The following CDC42BPB variants were observed in gnomAD, a reference collection of about 807,000 sequenced individuals.
CDC42BPB encodes the protein CDC42 binding protein kinase beta.
A neutral mutation model predicts 214.9 loss-of-function variants in CDC42BPB; 37 were observed. That is an observed-to-expected ratio of 0.17 (90% CI 0.13 to 0.23). The LOEUF is 0.23. Ranked by LOEUF, CDC42BPB falls within the 10% of genes least tolerant of loss-of-function variation. CDC42BPB has a pLI of 1.00. For synonymous variants in CDC42BPB, 931 were observed against 884.0 expected (o/e 1.05, Z -0.94); for missense variants, 1,694 against 2,227.0 (o/e 0.76, Z 4.82).
chr14:102,941,555 A>T (rs1891890107), intron 30 of CDC42BPB: 2 of 985,264 alleles, frequency 2.0e-6, no homozygotes, highest in Non-Finnish European at 2.4e-6. Context: ...TCAGGGAACC[A>T]CTCTCCACAC....
intron 5 of CDC42BPB, among the ~76,000 whole-genome samples, chr14:102,990,552 T>A (rs1471394776): frequency 1.3e-5 from 2 of 152,130 alleles, no homozygotes; most frequent in African/African-American, 4.8e-5. Context: ...TATGCACAGG[T>A]AGACGTGTGT....
At position 103,012,261 on chromosome 14, in the gene CDC42BPB, G is replaced by T. The variant is rs375431189; in HGVS notation, c.176-73C>A. 357 of 1,490,290 alleles carry T rather than the reference G, an allele frequency of 2.4e-4. 2 individuals are homozygous for T. In the African/African-American group the frequency reaches 4.4e-3, roughly 18 times the overall value. The allele number at this position is 1,490,290 out of a possible 1,614,324, so 92.3% of individuals were successfully genotyped here. A position where few individuals can be genotyped will look rare whatever the true frequency, so the allele number is the denominator to read the frequency against. On this transcript the variant is annotated intron_variant, in intron 1 of 36. Coordinates refer to ENST00000361246, the MANE Select transcript of CDC42BPB (RefSeq NM_006035.4). ...CTATATAAAAATTTAATTGAGTGGG[G>T]TGTTGCACTAAGTTATACTTTTAAA...
intron 1 of CDC42BPB, among the ~76,000 whole-genome samples, chr14:103,021,907 G>C (rs1015007703): frequency 6.6e-6 from 1 of 152,164 alleles, no homozygotes; most frequent in African/African-American, 2.4e-5. Flanking sequence ...GGGCGTGCAG[G>C]TTGACACTCG....
chr14:102,987,462 C>T (rs1894294730), intron 5 of CDC42BPB, among the ~76,000 whole-genome samples: 1 of 152,208 alleles, frequency 6.6e-6, no homozygotes, highest in South Asian at 2.1e-4. Context: ...AGCGGCACCA[C>T]TTCTAACAGC....
chr14:103,007,065 G>C (rs997167327), intron 3 of CDC42BPB, among the ~76,000 whole-genome samples: 4 of 152,196 alleles, frequency 2.6e-5, no homozygotes, highest in African/African-American at 7.2e-5. Flanking sequence ...ACTGAGTGAA[G>C]ATGGAGGAAA....
At position 102,938,292 on chromosome 14, in the gene CDC42BPB, G is replaced by T. The variant is rs188926743; in HGVS notation, c.4933+14C>A. 2.4e-4 allele frequency: 378 copies of T among 1,606,880 alleles called. 2 individuals are homozygous for T. The African/African-American group carries it at 4.4e-3, about 19-fold the overall frequency. The stretch of plus-strand genomic sequence containing the variant: ...ACCTCCCCCAGGGCTGCGGGGGCCA[G>T]GCTTCCCCTGTACCTGATGAGGGCC... On this transcript the variant is annotated intron_variant, in intron 35 of 36. Coordinates refer to ENST00000361246, the MANE Select transcript of CDC42BPB (RefSeq NM_006035.4).
At chr14:102,985,903 G>T (rs997130671) in intron 6 of CDC42BPB, among the ~76,000 whole-genome samples, 3 of 152,248 alleles carry the variant, frequency 2.0e-5, no homozygotes, top group African/African-American at 7.2e-5. Flanking sequence ...GTCTGACTGC[G>T]GGGTGGAGAC....
chr14:103,010,560 C>T (rs756315565), intron 2 of CDC42BPB, among the ~76,000 whole-genome samples: 9 of 152,242 alleles, frequency 5.9e-5, no homozygotes, highest in Non-Finnish European at 1.2e-4. Flanking sequence ...CAAAGGCCAT[C>T]TCGCTTTGTA....
intron 21 of CDC42BPB, among the ~76,000 whole-genome samples, chr14:102,955,774 G>A (rs1042355409): frequency 3.3e-5 from 5 of 152,212 alleles, no homozygotes; most frequent in Admixed American, 1.3e-4. Context: ...CAGTGTGATG[G>A]GACACAGACA....
chr14:102,982,686 G>A (rs1357483160), intron 7 of CDC42BPB, among the ~76,000 whole-genome samples: 2 of 152,110 alleles, frequency 1.3e-5, no homozygotes, highest in Admixed American at 6.5e-5. Flanking sequence ...CAGGAGAATC[G>A]CTTGAACCTG....
chr14:103,047,469 C>G (rs1888356377), intron 1 of CDC42BPB, among the ~76,000 whole-genome samples: 1 of 152,104 alleles, frequency 6.6e-6, no homozygotes, highest in Admixed American at 6.5e-5. Context: ...GACTTGGAAA[C>G]CATCGTGGTC....
intron 1 of CDC42BPB, among the ~76,000 whole-genome samples, chr14:103,018,407 AAAACT>A: frequency 6.6e-6 from 1 of 152,200 alleles, no homozygotes; most frequent in Admixed American, 6.5e-5. Flanking sequence ...TGCTATTTGG[AAAACT>A]TAGAGGGGCA....
Position 103,003,966 on chromosome 14 carries a change from T to C in CDC42BPB, c.409A>G (p.Thr137Ala). 3 of 1,611,832 alleles carry C rather than the reference T, an allele frequency of 1.9e-6. No homozygotes were observed. The highest frequency in any genetic ancestry group is 2.5e-6 in the Non-Finnish European group (3 of 1,179,492). Residue 137 changes from threonine (T) to alanine (A), a missense_variant, in exon 4 of 37, where the codon ACC becomes GCC. Physicochemically the swap from Thr to Ala is moderately conservative, Grantham distance 58. Around this residue, in one of 7 missense-constraint regions of CDC42BPB, gnomAD observed 225 missense variants for 459.3 expected, o/e 0.49. Coordinates refer to ENST00000361246, the MANE Select transcript of CDC42BPB (RefSeq NM_006035.4). ...TCCTGAAAGGCGTAGTGCAGCGCGG[T>C]GATCCACTGGCAGTCGCCGTTCACC... ...VLVNGDCQWITALHYAFQDEN... is the reference protein window; with the variant it reads ...VLVNGDCQWIAALHYAFQDEN...
chr14:103,039,504 T>A (rs1887863011), intron 1 of CDC42BPB, among the ~76,000 whole-genome samples: 1 of 152,024 alleles, frequency 6.6e-6, no homozygotes, highest in Admixed American at 6.5e-5. Context: ...ATACACCATA[T>A]CAACAGAAGA....
intron 5 of CDC42BPB, among the ~76,000 whole-genome samples, chr14:102,991,527 T>G (rs1254466343): frequency 6.6e-6 from 1 of 152,246 alleles, no homozygotes; most frequent in Non-Finnish European, 1.5e-5. Flanking sequence ...CTGGGTCAAC[T>G]GCTAAAATCT....
At chr14:103,041,532 C>T (rs1887993793) in intron 1 of CDC42BPB, 2 of 1,371,066 alleles carry the variant, frequency 1.5e-6, no homozygotes, top group African/African-American at 1.4e-5. Flanking sequence ...TGGCTCGTGG[C>T]CACATGGTTC....
chr14:103,019,726 T>C (rs1416722437), intron 1 of CDC42BPB, among the ~76,000 whole-genome samples: 1 of 152,208 alleles, frequency 6.6e-6, no homozygotes, highest in African/African-American at 2.4e-5. Flanking sequence ...AGCTTAACTT[T>C]TACTGGAGAA....
chr14:102,978,835 C>T (rs1352575902), intron 8 of CDC42BPB, among the ~76,000 whole-genome samples: 2 of 152,038 alleles, frequency 1.3e-5, no homozygotes, highest in African/African-American at 2.4e-5. Context: ...GGTGAAACCC[C>T]GTCTCTACTA....
At chr14:102,934,123 G>A (rs1384738134) in intron 36 of CDC42BPB, 4 of 824,474 alleles carry the variant, frequency 4.9e-6, no homozygotes, top group East Asian at 5.7e-5. Flanking sequence ...GGGGCCGGAC[G>A]CAGTGGCTCC....
Sources: gnomAD v4.1 joint callset for allele counts (sites outside exome capture counted in the v4.1 genomes callset) on GRCh38, gnomAD v4.1.1 for gene constraint, gnomAD v4.1.1 regional missense constraint, MANE v1.5 for transcripts, NCBI Gene and HGNC (gene_info 2026-07-23, HGNC 2026-07-21) for gene names.